GABPB1: variants seen among roughly 807,000 people sequenced by gnomAD.
GABPB1 encodes GA-binding protein subunit beta-1.
A neutral mutation model predicts 45.9 loss-of-function variants in GABPB1; 15 were observed. The ratio of observed to expected loss-of-function variants is 0.33; its 90% confidence interval spans 0.22 to 0.50. GABPB1 has a LOEUF of 0.50. Ranked by LOEUF, GABPB1 falls within the 20% of genes least tolerant of loss-of-function variation. The probability of loss-of-function intolerance (pLI) is 0.98; values close to 1 mark genes in which losing one functional copy is unlikely to be tolerated. For synonymous variants in GABPB1, 143 were observed against 154.4 expected (o/e 0.93, Z 0.55); for missense variants, 252 against 457.5 (o/e 0.55, Z 4.10).
At chr15:50,351,634 G>C (rs1222624940) in intron 1 of GABPB1, 1 of 143,380 alleles carries the variant, frequency 7.0e-6, no homozygotes, top group Non-Finnish European at 1.5e-5. Context: ...GAGAGGGAGA[G>C]GGACAGAGGG....
intron 1 of GABPB1, among the ~76,000 whole-genome samples, chr15:50,344,588 G>A (rs934581899): frequency 6.6e-6 from 1 of 152,074 alleles, no homozygotes; most frequent in Non-Finnish European, 1.5e-5. Flanking sequence ...CGCCTGTAAC[G>A]CCTGCACTTT....
intron 8 of GABPB1, among the ~76,000 whole-genome samples, chr15:50,280,154 T>C (rs901010498): frequency 5.3e-5 from 8 of 152,096 alleles, no homozygotes; most frequent in African/African-American, 1.9e-4. Context: ...ACACAAAATG[T>C]ACAAGTAGAA....
intron 3 of GABPB1, among the ~76,000 whole-genome samples, chr15:50,303,452 G>C (rs1318394245): frequency 2.0e-5 from 3 of 152,172 alleles, no homozygotes; most frequent in Admixed American, 6.5e-5. Context: ...GGGAGCCCAA[G>C]GCAGGCGGAT....
chr15:50,285,394 CAA>C (rs2046119185), intron 8 of GABPB1, among the ~76,000 whole-genome samples: 1 of 152,000 alleles, frequency 6.6e-6, no homozygotes, highest in Non-Finnish European at 1.5e-5. Context: ...GTTGTTCTTT[CAA>C]AGTTATTCAA....
chr15:50,288,894 T>C (rs1237972504), intron 7 of GABPB1, among the ~76,000 whole-genome samples: 2 of 152,018 alleles, frequency 1.3e-5, no homozygotes, highest in African/African-American at 4.8e-5. Flanking sequence ...GGCATGATAA[T>C]GGCTCACTGC....
chr15:50,280,193 A>C (rs1314930399), intron 8 of GABPB1, among the ~76,000 whole-genome samples: 4 of 152,152 alleles, frequency 2.6e-5, no homozygotes, highest in Non-Finnish European at 4.4e-5. Context: ...TCCCAGTTTA[A>C]GCAATGCCCA....
chr15:50,300,920 A>G lies in GABPB1; in HGVS notation c.584-18T>C, dbSNP rs1172254238. On this transcript the variant is annotated intron_variant, in intron 5 of 8. Transcript: ENST00000380877. ...CGTTTCATCTGTAAGAAAAAAGAAAATAGATTTGAATTTCTAAGGAGCTTA... is the reference window on the plus strand; with the variant it reads ...CGTTTCATCTGTAAGAAAAAAGAAAGTAGATTTGAATTTCTAAGGAGCTTA... 2.1e-6 allele frequency: 3 copies of G among 1,408,040 alleles called. No homozygotes were observed. In the African/African-American group the frequency reaches 4.2e-5, roughly 20 times the overall value. The allele number at this position is 1,408,040 out of a possible 1,614,324, so 87.2% of individuals were successfully genotyped here. A position where few individuals can be genotyped will look rare whatever the true frequency, so the allele number is the denominator to read the frequency against.
chr15:50,286,311 TTGATTTGCTTTTTA>T, intron 7 of GABPB1, 128 bp from the exon 8 acceptor site: 2 of 630,204 alleles, frequency 3.2e-6, no homozygotes, highest in Non-Finnish European at 4.8e-6. Context: ...TTCCAAATCA[TTGATTTGCTTTTTA>T]TGAGACTATC....
Position 50,301,371 on chromosome 15 carries a change from A to AG in GABPB1, c.472-4dup. On this transcript the variant is annotated splice_polypyrimidine_tract_variant and splice_region_variant and intron_variant, in intron 4 of 8. Transcript: ENST00000380877. The stretch of plus-strand genomic sequence containing the variant: ...TTGATTTGGTTCTGCATAGCAATCT[A>AG]GGGAAAAAATGACCACAGTGTTTTC... 1.2e-6 allele frequency: 2 copies of AG among 1,604,750 alleles called. No homozygotes were observed. Among genetic ancestry groups the AG allele is most frequent in the South Asian group, 1.1e-5 (1 of 89,894 alleles).
At chr15:50,295,263 A>G (rs2046472284) in intron 6 of GABPB1, among the ~76,000 whole-genome samples, 2 of 152,196 alleles carry the variant, frequency 1.3e-5, no homozygotes, top group African/African-American at 4.8e-5. Flanking sequence ...TAAACCTGCC[A>G]AAGTGATCAT....
intron 2 of GABPB1, among the ~76,000 whole-genome samples, chr15:50,305,977 T>A (rs2046935892): frequency 6.6e-6 from 1 of 151,882 alleles, no homozygotes; most frequent in Non-Finnish European, 1.5e-5. Context: ...TGGGTTTTTT[T>A]TTATTCATTT....
chr15:50,325,918 T>G (rs538043611), intron 1 of GABPB1, among the ~76,000 whole-genome samples: 4 of 151,342 alleles, frequency 2.6e-5, no homozygotes, highest in African/African-American at 4.8e-5. Flanking sequence ...TTTTGTTTTT[T>G]TTTTTTTAAG....
chr15:50,354,692 G>A (rs951610550), intron 1 of GABPB1: 4 of 373,194 alleles, frequency 1.1e-5, no homozygotes, highest in African/African-American at 4.5e-5. Flanking sequence ...AGGCGGCCGC[G>A]GCATGCTAGG....
At chr15:50,294,300 G>A (rs769477828) in intron 6 of GABPB1, among the ~76,000 whole-genome samples, 19 of 152,188 alleles carry the variant, frequency 1.2e-4, no homozygotes, top group Non-Finnish European at 2.2e-4. Context: ...TGGATCACAA[G>A]GTCAAGAGAT....
rs1168521205 is a variant in GABPB1, at chr15:50,300,435, GGTTT to G, written c.697+350_697+353del. 4.1e-3 allele frequency among the ~76,000 whole-genome samples: 252 copies of G among 60,800 alleles called. 4 individuals carry two copies. Among genetic ancestry groups the G allele is most frequent in the Non-Finnish European group, 5.1e-3 (169 of 33,216 alleles). 39.9% of individuals were successfully genotyped at this position (60,800 alleles called of 152,430 possible). A position where few individuals can be genotyped will look rare whatever the true frequency, so the allele number is the denominator to read the frequency against. ...AATATTTGAATCTGCAACTGTTTTT[GGTTT>G]TTTTTTTTTTTTTTTTTTTTTGAGA... On this transcript the variant is annotated intron_variant, in intron 6 of 8. Coordinates refer to ENST00000380877, the MANE Select transcript of GABPB1 (RefSeq NM_016654.5).
chr15:50,317,698 A>G (rs1567518809), intron 1 of GABPB1, among the ~76,000 whole-genome samples: 2 of 152,124 alleles, frequency 1.3e-5, no homozygotes, highest in Non-Finnish European at 2.9e-5. Context: ...TCACGAGGTC[A>G]GGAGATTGAC....
At chr15:50,300,758 T>G in intron 6 of GABPB1, 31 bp downstream of exon 6, 2 of 1,382,096 alleles carry the variant, frequency 1.4e-6, no homozygotes, top group Non-Finnish European at 2.1e-6. Context: ...ATCTGCAATT[T>G]TAATGTACAC....
chr15:50,349,949 C>T (rs1327898255), intron 1 of GABPB1: 1 of 152,152 alleles, frequency 6.6e-6, no homozygotes, highest in Non-Finnish European at 1.5e-5. Context: ...TCCTTCCAGA[C>T]ATAATATATT....
intron 2 of GABPB1, among the ~76,000 whole-genome samples, chr15:50,305,585 C>T (rs1002127096): frequency 9.2e-5 from 14 of 152,146 alleles, no homozygotes; most frequent in Admixed American, 6.5e-4. Context: ...TCCTTTCTTT[C>T]TCCATGCTTT....
Sources: allele counts gnomAD v4.1 joint callset (sites outside exome capture counted in the v4.1 genomes callset), GRCh38; gene constraint gnomAD v4.1.1; transcripts MANE v1.5; gene names NCBI Gene and HGNC (gene_info 2026-07-23, HGNC 2026-07-21).